SLC14A2: variants seen among roughly 807,000 people sequenced by gnomAD.
The protein encoded by SLC14A2 is solute carrier family 14 member 2.
Under a neutral mutation model 104.6 loss-of-function variants are expected in SLC14A2, and 91 were observed. The observed-to-expected ratio is 0.87, with a 90% CI of 0.73 to 1.04. The LOEUF is 1.04. Ranked by LOEUF, SLC14A2 falls within the 50% of genes least tolerant of loss-of-function variation. SLC14A2 has a pLI of 0.00. For synonymous variants in SLC14A2, 476 were observed against 466.4 expected, an observed-to-expected ratio of 1.02 and a Z score of -0.27; for missense variants, 1,189 against 1,156.0, an observed-to-expected ratio of 1.03 and a Z score of -0.41.
At chr18:45,554,662 T>TG (rs370727853) in intron 2 of SLC14A2, among the ~76,000 whole-genome samples, 32 of 149,512 alleles carry the variant, frequency 2.1e-4, no homozygotes, top group Non-Finnish European at 3.9e-4. Flanking sequence ...GATGGGGGTG[T>TG]GGGGGGGAAT....
intron 1 of SLC14A2, among the ~76,000 whole-genome samples, chr18:45,285,661 GCC>G (rs10536916): frequency 0.042 from 5,251 of 124,930 alleles, 210 homozygotes; most frequent in Non-Finnish European, 0.064. Flanking sequence ...CAGGTGATCT[GCC>G]CCCCCCCCCC....
At chr18:45,246,720 G>A (rs1348097236) in intron 1 of SLC14A2, among the ~76,000 whole-genome samples, 1 of 151,976 alleles carries the variant, frequency 6.6e-6, no homozygotes, top group African/African-American at 2.4e-5. Context: ...TTACAGGTGT[G>A]TGCCGCCACA....
At chr18:45,631,016 T>C (rs2045336880) in intron 4 of SLC14A2, among the ~76,000 whole-genome samples, 1 of 152,056 alleles carries the variant, frequency 6.6e-6, no homozygotes, top group Admixed American at 6.6e-5. Flanking sequence ...TCCTCCCCCT[T>C]CCAAACCTAA....
intron 18 of SLC14A2, among the ~76,000 whole-genome samples, chr18:45,675,713 T>TA (rs2046219096): frequency 1.7e-5 from 1 of 59,522 alleles, no homozygotes; most frequent in Non-Finnish European, 3.2e-5. Flanking sequence ...ATATATATTT[T>TA]TTTTTTTTTT....
chr18:45,604,156 G>A (rs534598702), intron 2 of SLC14A2, among the ~76,000 whole-genome samples: 91 of 152,120 alleles, frequency 6.0e-4, no homozygotes, highest in African/African-American at 1.7e-3. Context: ...GTCAATCCCC[G>A]TGGTTTATTG....
At chr18:45,505,070 A>G (rs914087411) in intron 2 of SLC14A2, among the ~76,000 whole-genome samples, 2 of 151,446 alleles carry the variant, frequency 1.3e-5, no homozygotes, top group South Asian at 4.1e-4. Context: ...AAAGAAAAAT[A>G]AAAGTAAAGT....
At chr18:45,305,268 G>A (rs2144200840) in intron 1 of SLC14A2, among the ~76,000 whole-genome samples, 1 of 152,314 alleles carries the variant, frequency 6.6e-6, no homozygotes, top group South Asian at 2.1e-4. Flanking sequence ...AGCCTATTTA[G>A]GGGGCACCCA....
chr18:45,534,215 C>T (rs1364020685), intron 2 of SLC14A2, among the ~76,000 whole-genome samples: 1 of 152,120 alleles, frequency 6.6e-6, no homozygotes. Context: ...ATTTCACTTT[C>T]CCCTCCTCAT....
At chr18:45,178,561 C>T in the SLC14A2 span, among the ~76,000 whole-genome samples, 3 of 152,144 alleles carry the variant, frequency 2.0e-5, no homozygotes, top group Non-Finnish European at 2.9e-5. Context: ...GAATTATAGG[C>T]ATTCCTGAGG....
At chr18:45,189,855 G>T in the SLC14A2 span, among the ~76,000 whole-genome samples, 1 of 152,136 alleles carries the variant, frequency 6.6e-6, no homozygotes, top group African/African-American at 2.4e-5. Context: ...GAGTATGTGT[G>T]TCAGTAGGCA....
intron 2 of SLC14A2, among the ~76,000 whole-genome samples, chr18:45,609,534 G>C (rs2044934599): frequency 6.6e-6 from 1 of 152,068 alleles, no homozygotes; most frequent in African/African-American, 2.4e-5. Flanking sequence ...TTCCTCATTG[G>C]AGTTTATACC....
chr18:45,436,924 T>C (rs1407643305), intron 1 of SLC14A2, among the ~76,000 whole-genome samples: 1 of 152,144 alleles, frequency 6.6e-6, no homozygotes, highest in Admixed American at 6.5e-5. Flanking sequence ...GAGATTCAAA[T>C]GTCAAAGGAA....
In SLC14A2 at chr18:45,623,792, A is replaced by G. The variant is rs186292324; in HGVS notation, c.-34-839A>G. 1.3e-3 allele frequency among the ~76,000 whole-genome samples: 196 copies of G among 152,290 alleles called. 2 individuals are homozygous for G. Among genetic ancestry groups the G allele is most frequent in the African/African-American group, 3.6e-3 (150 of 41,552 alleles). ...CAGCATGGAGCACGGAGCAATGGGG[A>G]AAGCTCTAGGTCATACTGAGAGGAG... On this transcript the variant is annotated intron_variant, in intron 1 of 19. Transcript: ENST00000255226.
At chr18:45,592,774 A>G (rs572909962) in intron 2 of SLC14A2, among the ~76,000 whole-genome samples, 1 of 152,370 alleles carries the variant, frequency 6.6e-6, no homozygotes, top group Non-Finnish European at 1.5e-5. Flanking sequence ...AGACAGTTCA[A>G]GTCCAGCAGA....
At chr18:45,372,196 C>A (rs1364831302) in intron 1 of SLC14A2, among the ~76,000 whole-genome samples, 1 of 152,056 alleles carries the variant, frequency 6.6e-6, no homozygotes, top group Non-Finnish European at 1.5e-5. Context: ...CCTGTAATCC[C>A]AGCTACTCGG....
chr18:45,423,661 A>AT (rs1256647017), intron 1 of SLC14A2: 1 of 152,220 alleles, frequency 6.6e-6, no homozygotes, highest in Non-Finnish European at 1.5e-5. Flanking sequence ...ACAGTCACAA[A>AT]TAAAAAAAAA....
chr18:45,398,546 A>G (rs2086061025), intron 1 of SLC14A2, among the ~76,000 whole-genome samples: 1 of 103,556 alleles, frequency 9.7e-6, no homozygotes, highest in Admixed American at 1.1e-4. Context: ...AAACCACCCA[A>G]ATGTTCAATT....
intron 1 of SLC14A2, among the ~76,000 whole-genome samples, chr18:45,417,307 C>T (rs1365713046): frequency 6.6e-6 from 1 of 152,088 alleles, no homozygotes; most frequent in African/African-American, 2.4e-5. Context: ...TCCTTGGTCC[C>T]TAGACCTTAT....
chr18:45,272,235 C>A (rs377002839), intron 1 of SLC14A2, among the ~76,000 whole-genome samples: 3 of 152,030 alleles, frequency 2.0e-5, no homozygotes, highest in Admixed American at 2.0e-4. Context: ...AGCAATCCCA[C>A]TGCTGGGTAT....
Sources: allele counts gnomAD v4.1 joint callset (sites outside exome capture counted in the v4.1 genomes callset), GRCh38; gene constraint gnomAD v4.1.1; transcripts MANE v1.5; gene names NCBI Gene and HGNC (gene_info 2026-07-23, HGNC 2026-07-21).